CDHR2: variants seen among roughly 807,000 people sequenced by gnomAD.
The protein encoded by CDHR2 is cadherin related family member 2, also known as cadherin-related family member 2.
Under a neutral mutation model 138.6 loss-of-function variants are expected in CDHR2, and 104 were observed. That is an observed-to-expected ratio of 0.75 (90% CI 0.64 to 0.88). The LOEUF (loss-of-function observed/expected upper bound fraction) is 0.88. Among genes scored for constraint, CDHR2 ranks in the 40% least tolerant of loss-of-function variants. The probability of loss-of-function intolerance (pLI) is 0.00; values close to 1 mark genes in which losing one functional copy is unlikely to be tolerated. For synonymous variants in CDHR2, 755 were observed against 742.8 expected (o/e 1.02, Z -0.27); for missense variants, 1,624 against 1,727.6 (o/e 0.94, Z 1.06).
upstream of CDHR2, among the ~76,000 whole-genome samples, chr5:176,547,259 G>A (rs912950901): frequency 1.3e-5 from 2 of 152,088 alleles, no homozygotes; most frequent in South Asian, 2.1e-4. Context: ...TTACAGGCGC[G>A]AGCCACCAGC....
At chr5:176,588,414 GGT>G (rs1561880711) in intron 21 of CDHR2, among the ~76,000 whole-genome samples, 152 of 128,184 alleles carry the variant, frequency 1.2e-3, no homozygotes, top group African/African-American at 4.0e-3. Flanking sequence ...AGAGAGTGAG[GGT>G]GTGAGTGTGT....
At chr5:176,546,527 A>C (rs1353659797), upstream of CDHR2, among the ~76,000 whole-genome samples, 1 of 152,102 alleles carries the variant, frequency 6.6e-6, no homozygotes, top group East Asian at 1.9e-4. Context: ...CAACTTACAG[A>C]TAAGGAAACC....
At chr5:176,546,809 T>G (rs1025809799), upstream of CDHR2, among the ~76,000 whole-genome samples, 2 of 150,284 alleles carry the variant, frequency 1.3e-5, no homozygotes, top group Non-Finnish European at 3.0e-5. Flanking sequence ...GAGCCTGGTC[T>G]CTGGTCTCTT....
Position 176,577,574 on chromosome 5 carries a change from G to GC in CDHR2, c.1350+22dup. On this transcript the variant is annotated intron_variant, in intron 13 of 31. Transcript: ENST00000261944. ...GTGCAGGTGAGGGCTGCTCCGGGGT[G>GC]CCAGGGGCAGAAGCCGAGGGGCACT... 2 of 1,613,740 alleles carry GC rather than the reference G, an allele frequency of 1.2e-6. No homozygotes were observed. Among genetic ancestry groups the GC allele is most frequent in the Non-Finnish European group, 8.5e-7 (1 of 1,179,752 alleles).
At chr5:176,593,537 CAGAA>C (rs1452773292) in intron 31 of CDHR2, among the ~76,000 whole-genome samples, 18 of 152,186 alleles carry the variant, frequency 1.2e-4, no homozygotes, top group Admixed American at 1.2e-3. Context: ...TCTCTGGAAA[CAGAA>C]GGAACTGCCC....
intron 1 of CDHR2, among the ~76,000 whole-genome samples, chr5:176,543,000 G>C (rs1250806852): frequency 7.9e-5 from 12 of 152,088 alleles, no homozygotes; most frequent in Admixed American, 2.6e-4. Context: ...GGACGTGCGC[G>C]GGGCGCAGGG....
chr5:176,565,108 G>C (rs563803731), intron 1 of CDHR2, among the ~76,000 whole-genome samples: 124 of 152,302 alleles, frequency 8.1e-4, no homozygotes, highest in African/African-American at 2.8e-3. Flanking sequence ...GTGCATGGCA[G>C]GTCCTGGATT....
chr5:176,572,761 G>A (rs114811703), intron 6 of CDHR2, among the ~76,000 whole-genome samples: 3,557 of 152,310 alleles, frequency 0.023, 165 homozygotes, highest in African/African-American at 0.081. Flanking sequence ...GGCCAGACAC[G>A]TGTGGTCTGG....
chr5:176,552,842 G>A (rs1318365439), intron 1 of CDHR2, among the ~76,000 whole-genome samples: 1 of 152,248 alleles, frequency 6.6e-6, no homozygotes, highest in Non-Finnish European at 1.5e-5. Flanking sequence ...CCTTGGAGCT[G>A]CTGGGCAGGA....
chr5:176,573,519 C>T (rs1361612541), intron 6 of CDHR2, among the ~76,000 whole-genome samples: 4 of 151,600 alleles, frequency 2.6e-5, no homozygotes, highest in Non-Finnish European at 2.9e-5. Flanking sequence ...TGGTGGTGGG[C>T]GCCTATAATC....
intron 1 of CDHR2, among the ~76,000 whole-genome samples, chr5:176,561,727 C>T (rs192772494): frequency 8.6e-4 from 130 of 151,290 alleles, no homozygotes; most frequent in Admixed American, 7.3e-3. Context: ...GCAACCTCCA[C>T]CTCCCGGGTT....
intron 3 of CDHR2, chr5:176,566,796 C>A: frequency 2.6e-6 from 1 of 385,292 alleles, no homozygotes; most frequent in Non-Finnish European, 5.2e-6. Context: ...CAAAACTAAG[C>A]CACAGACCCA....
intron 17 of CDHR2, 53 bp from the exon 18 acceptor site, chr5:176,584,135 GCT>G: frequency 6.8e-7 from 1 of 1,462,096 alleles, no homozygotes; most frequent in Non-Finnish European, 9.6e-7. Flanking sequence ...TCTCGGATTG[GCT>G]CTGGGGAGGG....
intron 31 of CDHR2, among the ~76,000 whole-genome samples, chr5:176,593,896 G>C (rs568937841): frequency 1.6e-4 from 25 of 152,310 alleles, no homozygotes; most frequent in African/African-American, 6.0e-4. Flanking sequence ...GGTTGTGTGG[G>C]TGGTAATGCA....
chr5:176,569,750 G>A (rs1758179623), intron 5 of CDHR2, among the ~76,000 whole-genome samples: 1 of 152,094 alleles, frequency 6.6e-6, no homozygotes, highest in South Asian at 2.1e-4. Context: ...CCTGAGGTCA[G>A]GGGTTCAAGA....
intron 1 of CDHR2, among the ~76,000 whole-genome samples, chr5:176,549,727 C>G (rs905927453): frequency 4.6e-5 from 7 of 152,180 alleles, no homozygotes; most frequent in Non-Finnish European, 1.0e-4. Context: ...GGTAACTGGC[C>G]TGACCCCTTC....
Position 176,568,801 on chromosome 5 carries a change from G to C in CDHR2, c.248G>C (p.Ser83Thr). The C allele has an allele frequency of 1.9e-6, 3 of 1,614,214 alleles. No individual in the cohort carries two copies. In the African/African-American group the frequency reaches 4.0e-5, roughly 22 times the overall value. The change falls in exon 4 of 32, where the codon AGC (serine) becomes ACC (threonine). Residue 83 changes from serine to threonine, a missense_variant. Ser to Thr is a moderately conservative substitution (Grantham distance 58). Around this residue, in one of 3 missense-constraint regions of CDHR2, gnomAD observed 1,061 missense variants for 1,136.6 expected, o/e 0.93. Coordinates refer to ENST00000261944, the MANE Select transcript of CDHR2 (RefSeq NM_017675.6). ...TPKTGEVKLA[S>T]ALDYETLYTF... The stretch of plus-strand genomic sequence containing the variant: ...AAAACTGGGGAAGTGAAGCTGGCCA[G>C]CGCTCTGGACTACGAGGTAAAGAGC...
chr5:176,544,427 T>C (rs1280628353), upstream of CDHR2, among the ~76,000 whole-genome samples: 5 of 137,990 alleles, frequency 3.6e-5, no homozygotes, highest in South Asian at 4.8e-4. Context: ...TTTTCCTTTA[T>C]TTTCTTTCTT....
chr5:176,573,364 G>C (rs2113293512), intron 6 of CDHR2, among the ~76,000 whole-genome samples: 1 of 152,290 alleles, frequency 6.6e-6, no homozygotes, highest in African/African-American at 2.4e-5. Context: ...TCGTGGCTGG[G>C]CACGGTGGCT....
Sources: gnomAD v4.1 joint callset for allele counts (sites outside exome capture counted in the v4.1 genomes callset) on GRCh38, gnomAD v4.1.1 for gene constraint, gnomAD v4.1.1 regional missense constraint, MANE v1.5 for transcripts, NCBI Gene and HGNC (gene_info 2026-07-23, HGNC 2026-07-21) for gene names.